DDX18: variants seen among roughly 807,000 people sequenced by gnomAD.
DDX18 encodes the protein ATP-dependent RNA helicase DDX18.
A neutral mutation model predicts 73.5 loss-of-function variants in DDX18; 23 were observed. The observed-to-expected ratio is 0.31, with a 90% CI of 0.23 to 0.44. DDX18 has a LOEUF of 0.44. Ranked by LOEUF, DDX18 falls within the 20% of genes least tolerant of loss-of-function variation. The probability of loss-of-function intolerance (pLI) is 1.00; values close to 1 mark genes in which losing one functional copy is unlikely to be tolerated. For synonymous variants in DDX18, 268 were observed against 282.7 expected (o/e 0.95, Z 0.52); for missense variants, 753 against 792.9 (o/e 0.95, Z 0.60).
intron 7 of DDX18, chr2:117,822,542 A>G (rs530347542): frequency 2.8e-5 from 9 of 319,924 alleles, no homozygotes; most frequent in South Asian, 1.6e-4. Context: ...ACATCCCCCA[A>G]GAAGCCGCAG....
In DDX18 at chr2:117,825,074, C is replaced by T. The variant is rs185105293; in HGVS notation, c.1341C>T (p.Tyr447=). Residue 447 remains tyrosine, a synonymous_variant, in exon 9 of 14, where the codon TAC becomes TAT. Transcript: ENST00000263239. The stretch of plus-strand genomic sequence containing the variant: ...AATACCACTATGAGTTGCTGAACTA[C>T]ATTGATTTGCCCGTCTTGGCCATTC... ...SVKYHYELLN[Y]IDLPVLAIHG... 50 of 1,612,362 alleles carry T rather than the reference C, an allele frequency of 3.1e-5. 1 individual carries two copies. The Admixed American group carries it at 6.7e-4, about 22-fold the overall frequency.
rs1232961329 is a variant in DDX18, at chr2:117,826,027, G to A, written c.1522-242G>A. ...AGATCGCTGTTAATGCAAACATCAT[G>A]TCCAGCCTTTTTTTTTTTTTTTTTT... On this transcript the variant is annotated intron_variant, in intron 10 of 13. Coordinates refer to ENST00000263239, the MANE Select transcript of DDX18 (RefSeq NM_006773.4). 6 of 371,240 alleles carry A rather than the reference G, an allele frequency of 1.6e-5. No individual in the cohort carries two copies. The Admixed American group carries it at 3.0e-4, about 18-fold the overall frequency. 23.0% of individuals were successfully genotyped at this position (371,240 alleles called of 1,614,324 possible). A position where few individuals can be genotyped will look rare whatever the true frequency, so the allele number is the denominator to read the frequency against.
At chr2:117,818,040 C>A (rs1341409938) in intron 2 of DDX18, among the ~76,000 whole-genome samples, 2 of 152,088 alleles carry the variant, frequency 1.3e-5, no homozygotes, top group Non-Finnish European at 2.9e-5. Context: ...CTGCTTGATT[C>A]TTCCCATTTT....
rs189927986 is a variant in DDX18, at chr2:117,815,101, G to T, written c.85+239G>T. 4 of 557,786 alleles carry T rather than the reference G, an allele frequency of 7.2e-6. No individual in the cohort carries two copies. The Admixed American group carries it at 1.3e-4, about 17-fold the overall frequency. 34.6% of individuals were successfully genotyped at this position (557,786 alleles called of 1,614,324 possible). A position where few individuals can be genotyped will look rare whatever the true frequency, so the allele number is the denominator to read the frequency against. ...CAGTGTCTTCTTACAACGTTAGAGCGGGAGGACTCCCCGTTCACTTCTAGG... is the reference window on the plus strand; with the variant it reads ...CAGTGTCTTCTTACAACGTTAGAGCTGGAGGACTCCCCGTTCACTTCTAGG... On this transcript the variant is annotated intron_variant, in intron 1 of 13. Coordinates refer to ENST00000263239, the MANE Select transcript of DDX18 (RefSeq NM_006773.4).
chr2:117,829,250 G>T (rs1196784807), intron 12 of DDX18, 39 bp from the exon 13 acceptor site: 1 of 1,548,944 alleles, frequency 6.5e-7, no homozygotes, highest in Non-Finnish European at 8.7e-7. Flanking sequence ...GTTTTTGTTT[G>T]TTTTTGTTTA....
chr2:117,829,083 C>A, intron 12 of DDX18, 78 bp downstream of exon 12: 1 of 1,332,624 alleles, frequency 7.5e-7, no homozygotes, highest in South Asian at 1.2e-5. Flanking sequence ...ACTGGGCAAT[C>A]ACTGTCCTTT....
At chr2:117,819,077 C>G (rs1245123064) in intron 2 of DDX18, among the ~76,000 whole-genome samples, 1 of 152,092 alleles carries the variant, frequency 6.6e-6, no homozygotes. Context: ...CCATTTGACC[C>G]AGAGTCGAAC....
In DDX18 at chr2:117,814,844, C is replaced by G; in HGVS notation, c.67C>G (p.Arg23Gly). 3 of 1,614,186 alleles carry G rather than the reference C, an allele frequency of 1.9e-6. No individual in the cohort carries two copies. Among genetic ancestry groups the G allele is most frequent in the South Asian group, 2.2e-5 (2 of 91,092 alleles). ...GAAGCGGAACCTCAAATTGCGGCAG[C>G]GGAACCTAAAGTTTCAGGGTGAGAT... ...IEKRNLKLRQ[R>G]NLKFQGASNL... Residue 23 changes from arginine to glycine, a missense_variant, in exon 1 of 14, where the codon CGG becomes GGG. By Grantham distance (125) the Arg-to-Gly change is moderately radical. This residue lies in a region of DDX18 where 345 missense variants were observed against 352.0 expected (regional missense o/e 0.98). Transcript: ENST00000263239.
Position 117,829,299 on chromosome 2 carries a change from T to C in DDX18, c.1703T>C (p.Leu568Ser). ...ISDIQSQLEKLIEKNYFLHKS... is the reference protein window; with the variant it reads ...ISDIQSQLEKSIEKNYFLHKS... ...TTCTTTCTATTTCAGCTTGAGAAAT[T>C]GATTGAAAAGAATTACTTTCTTCAT... Residue 568 changes from leucine (L) to serine (S), a missense_variant, in exon 13 of 14, where the codon TTG (leucine) becomes TCG (serine). Transcript: ENST00000263239. 1 of 1,587,602 alleles carries C rather than the reference T, an allele frequency of 6.3e-7. No individual in the cohort carries two copies. The highest frequency in any genetic ancestry group is 8.5e-7 in the Non-Finnish European group (1 of 1,170,898).
chr2:117,818,292 C>T (rs1284601537), intron 2 of DDX18, among the ~76,000 whole-genome samples: 1 of 152,166 alleles, frequency 6.6e-6, no homozygotes, highest in Non-Finnish European at 1.5e-5. Flanking sequence ...AACTATCCCT[C>T]CTTCTACCTG....
intron 4 of DDX18, 132 bp from the exon 5 acceptor site, chr2:117,821,518 C>T: frequency 8.9e-7 from 1 of 1,124,768 alleles, no homozygotes; most frequent in African/African-American, 1.6e-5. Context: ...CAGTATATAA[C>T]CCAGGTGATC....
chr2:117,814,722 T>C lies in DDX18; in HGVS notation c.-56T>C. ...GGCCGGAAGGGAAGTAACGTCAGCC[T>C]GAGAACTGAGTAGCTGTACTGTGTG... On this transcript the variant is annotated 5_prime_UTR_variant, in exon 1 of 14. Coordinates refer to ENST00000263239, the MANE Select transcript of DDX18 (RefSeq NM_006773.4). 7.6e-6 allele frequency: 12 copies of C among 1,574,370 alleles called. No individual in the cohort carries two copies. The highest frequency in any genetic ancestry group is 1.0e-5 in the Non-Finnish European group (12 of 1,147,198).
chr2:117,829,490 A>G (rs1464334200), intron 13 of DDX18, 24 bp downstream of exon 13: 2 of 1,596,262 alleles, frequency 1.3e-6, no homozygotes, highest in Middle Eastern at 1.7e-4. Flanking sequence ...TAATGAAGTT[A>G]TCCTGTGACT....
chr2:117,830,832 G>A lies in DDX18; in HGVS notation c.*108G>A, dbSNP rs1478738999. The A allele has an allele frequency of 7.4e-7, 1 of 1,354,390 alleles. No homozygotes were observed. 83.9% of individuals were successfully genotyped at this position (1,354,390 alleles called of 1,614,324 possible). Reference sequence around the variant, plus strand: ...TTTAGAATTTGGACTTACCTAACAAGAGTATAAATTGACTTGGGTTGCAAG... The same window carrying A: ...TTTAGAATTTGGACTTACCTAACAAAAGTATAAATTGACTTGGGTTGCAAG... On this transcript the variant is annotated 3_prime_UTR_variant, in exon 14 of 14. Transcript: ENST00000263239.
intron 2 of DDX18, 68 bp downstream of exon 2, chr2:117,817,796 A>G (rs964525282): frequency 4.5e-5 from 66 of 1,482,008 alleles, no homozygotes; most frequent in Admixed American, 4.1e-4. Flanking sequence ...TCCTCTTTCT[A>G]TTACTATTGT....
At chr2:117,821,009 C>G in intron 3 of DDX18, 152 bp from the exon 4 acceptor site, 1 of 693,854 alleles carries the variant, frequency 1.4e-6, no homozygotes, top group Non-Finnish European at 2.2e-6. Context: ...GATATAGGGT[C>G]TTTTTCTTGA....
Position 117,823,163 on chromosome 2 carries a change from C to T in DDX18, c.1066+902C>T, listed in dbSNP as rs922924533. On this transcript the variant is annotated intron_variant, in intron 7 of 13. Transcript: ENST00000263239. ...CTTTTAAAGTTGTGGTATTCTTGTC[C>T]TTTGCTTTTCTATATAAATTTTAGA... is the stretch of plus-strand genomic sequence containing the variant. Among the ~76,000 whole-genome samples the T allele has an allele frequency of 2.0e-5, 3 of 152,026 alleles. 1 individual carries two copies. Among genetic ancestry groups the T allele is most frequent in the East Asian group, 3.9e-4 (2 of 5,194 alleles).
intron 5 of DDX18, 24 bp from the exon 6 acceptor site, chr2:117,821,838 A>T (rs1404035160): frequency 4.3e-6 from 7 of 1,613,674 alleles, no homozygotes; most frequent in Non-Finnish European, 5.9e-6. Context: ...CCACATTTAG[A>T]CTTCTACCAT....
At position 117,825,105 on chromosome 2, in the gene DDX18, A is replaced by G. The variant is rs763636439; in HGVS notation, c.1368+4A>G. ...TTTGCCCGTCTTGGCCATTCATGTA[A>G]GTGATGATGATGAGCTCATTGAAAA... On this transcript the variant is annotated splice_donor_region_variant and intron_variant, in intron 9 of 13. Transcript: ENST00000263239. The G allele has an allele frequency of 1.2e-6, 2 of 1,605,516 alleles. No individual in the cohort carries two copies. Among genetic ancestry groups the G allele is most frequent in the African/African-American group, 1.3e-5 (1 of 74,300 alleles).
Sources: gnomAD v4.1 joint callset for allele counts (sites outside exome capture counted in the v4.1 genomes callset) on GRCh38, gnomAD v4.1.1 for gene constraint, gnomAD v4.1.1 regional missense constraint, MANE v1.5 for transcripts, NCBI Gene and HGNC (gene_info 2026-07-23, HGNC 2026-07-21) for gene names.